Variants in RBM28 observed in about 807,000 individuals in gnomAD.
RBM28 encodes the protein RNA binding motif protein 28.
RBM28 carries 78 observed loss-of-function variants against 98.3 expected under a neutral mutation model. The ratio of observed to expected loss-of-function variants is 0.79; its 90% confidence interval spans 0.66 to 0.96. The LOEUF (loss-of-function observed/expected upper bound fraction) is 0.96, where lower values mean the gene tolerates loss of function less well. Among genes scored for constraint, RBM28 ranks in the 40% least tolerant of loss-of-function variants. The pLI, the probability that RBM28 is intolerant of heterozygous loss-of-function variation, is 0.00. For synonymous variants in RBM28, 306 were observed against 330.9 expected (o/e 0.92, Z 0.82); for missense variants, 838 against 913.0 (o/e 0.92, Z 1.06).
chr7:128,339,905 C>T (rs41281734), intron 1 of RBM28, 114 bp from the exon 2 acceptor site: 17,638 of 1,235,152 alleles, frequency 0.014, 420 homozygotes, highest in African/African-American at 0.096. Context: ...GGATATACTG[C>T]CAACCCATCT....
intron 9 of RBM28, 145 bp downstream of exon 9, chr7:128,333,145 C>T (rs1796520123): frequency 1.4e-6 from 1 of 706,100 alleles, no homozygotes; most frequent in Non-Finnish European, 2.6e-6. Flanking sequence ...TCCTACATTT[C>T]TCATTGTTTA....
chr7:128,342,123 C>T (rs1030494389), intron 1 of RBM28, among the ~76,000 whole-genome samples: 7 of 152,184 alleles, frequency 4.6e-5, no homozygotes, highest in Non-Finnish European at 1.0e-4. Flanking sequence ...CGCACCACTG[C>T]ACTCCAACTG....
At position 128,337,220 on chromosome 7, in the gene RBM28, G is replaced by A; in HGVS notation, c.542-18C>T. ...TGTCCGGCCTGTCAAGCAGAAAAGT[G>A]GCATCAGAAAGGCTCTCCTTTTAAA... On this transcript the variant is annotated intron_variant, in intron 5 of 18. Coordinates refer to ENST00000223073, the MANE Select transcript of RBM28 (RefSeq NM_018077.3). 3 of 1,613,916 alleles carry A rather than the reference G, an allele frequency of 1.9e-6. No homozygotes were observed. Among genetic ancestry groups the A allele is most frequent in the African/African-American group, 2.7e-5 (2 of 74,998 alleles).
At chr7:128,311,269 C>T (rs1795978400) in intron 18 of RBM28, among the ~76,000 whole-genome samples, 1 of 152,230 alleles carries the variant, frequency 6.6e-6, no homozygotes, top group East Asian at 1.9e-4. Context: ...CTTGCCTGTT[C>T]CCTCCCCAAG....
Position 128,335,910 on chromosome 7 carries a change from T to C in RBM28, c.746A>G (p.Asp249Gly), listed in dbSNP as rs145277422. The C allele has an allele frequency of 4.7e-4, 759 of 1,612,646 alleles. 4 individuals carry two copies. The highest frequency in any genetic ancestry group is 2.9e-4 in the South Asian group (26 of 91,044). Residue 249 changes from aspartate to glycine, a missense_variant, in exon 7 of 19, where the codon GAT becomes GGT. Transcript: ENST00000223073. ...DDDEEDGVFDDEDEEEENIES... is the reference protein window; with the variant it reads ...DDDEEDGVFDGEDEEEENIES... ...TATATTCTCTTCCTCTTCATCTTCA[T>C]CATCAAAAACCCCATCTTCTTCATC...
chr7:128,311,636 C>T (rs1366605543), intron 18 of RBM28, among the ~76,000 whole-genome samples: 1 of 151,994 alleles, frequency 6.6e-6, no homozygotes, highest in Non-Finnish European at 1.5e-5. Flanking sequence ...GCCAGCCTTA[C>T]ACAGAGTAAG....
In RBM28 at chr7:128,324,611, C is replaced by G. The variant is rs775217521; in HGVS notation, c.1287G>C (p.Thr429=). The G allele has an allele frequency of 1.1e-5, 18 of 1,614,206 alleles. No individual in the cohort carries two copies. Among genetic ancestry groups the G allele is most frequent in the East Asian group, 2.2e-5 (1 of 44,882 alleles). The change falls in exon 12 of 19, where the codon ACG becomes ACC. Residue 429 remains threonine, a synonymous_variant. Coordinates refer to ENST00000223073, the MANE Select transcript of RBM28 (RefSeq NM_018077.3). ...GGGTGCCAGTCGGCTTCTTCACCTT[C>G]GTCGTCTGAAGCTTTGCAGCCTCAT... is the stretch of plus-strand genomic sequence containing the variant. ...TRDEAAKLQT[T]KVKKPTGTRN...
intron 18 of RBM28, among the ~76,000 whole-genome samples, chr7:128,311,997 GA>G (rs1424915063): frequency 6.6e-6 from 1 of 152,182 alleles, no homozygotes; most frequent in African/African-American, 2.4e-5. Context: ...TCAATGGAGG[GA>G]TAAGGCAGAT....
rs779918964 is a variant in RBM28 at position 128,339,692 on chromosome 7, A to G, written c.218T>C (p.Ile73Thr). The change falls in exon 2 of 19, where the codon ATC becomes ACC. Residue 73 changes from isoleucine to threonine, a missense_variant. Coordinates refer to ENST00000223073, the MANE Select transcript of RBM28 (RefSeq NM_018077.3). ...KEITTFEGCK[I>T]NVTVAKKKLR... ...TTTTTTCTTGGCAACAGTCACGTTG[A>G]TCTTGCAACCTTCAAAGGTGGTAAT... 1.9e-6 allele frequency: 3 copies of G among 1,613,936 alleles called. No homozygotes were observed. The highest frequency in any genetic ancestry group is 2.5e-6 in the Non-Finnish European group (3 of 1,179,954).
At chr7:128,317,577 T>C in intron 16 of RBM28, 82 bp downstream of exon 16, 4 of 1,094,086 alleles carry the variant, frequency 3.7e-6, no homozygotes, top group Non-Finnish European at 5.6e-6. Context: ...AGGGGAGAAC[T>C]ACTCTAAGAG....
In RBM28 at chr7:128,307,228, A is replaced by G. The variant is rs1795884113; in HGVS notation, c.*3569T>C. ...TTGCATGGGCAGAGCTGCTTCTTAT[A>G]TGACAGAATTGGCAGCTGCCTGTCA... is the stretch of plus-strand genomic sequence containing the variant. On this transcript the variant is annotated 3_prime_UTR_variant, in exon 19 of 19. Transcript: ENST00000223073. 1 of 152,256 alleles carries G rather than the reference A, an allele frequency of 6.6e-6. No individual in the cohort carries two copies. The highest frequency in any genetic ancestry group is 6.5e-5 in the Admixed American group (1 of 15,284). 9.4% of individuals were successfully genotyped at this position (152,256 alleles called of 1,614,324 possible).
At chr7:128,314,223 A>G (rs2116323841) in intron 17 of RBM28, among the ~76,000 whole-genome samples, 1 of 152,250 alleles carries the variant, frequency 6.6e-6, no homozygotes, top group South Asian at 2.1e-4. Flanking sequence ...CGGCCTCCCA[A>G]AGTGCTGGGA....
intron 1 of RBM28, chr7:128,341,322 C>A: frequency 4.1e-6 from 2 of 489,552 alleles, no homozygotes; most frequent in South Asian, 1.8e-5. Flanking sequence ...AAATTCATAG[C>A]CCTTCATGAT....
At chr7:128,330,685 T>C (rs1448404782) in intron 10 of RBM28, 134 bp downstream of exon 10, 3 of 748,824 alleles carry the variant, frequency 4.0e-6, no homozygotes, top group African/African-American at 3.4e-5. Context: ...CTGGTACTTT[T>C]ATAGAACCCA....
intron 11 of RBM28, 137 bp from the exon 12 acceptor site, chr7:128,324,831 T>C (rs1338460646): frequency 1.7e-6 from 2 of 1,162,252 alleles, no homozygotes; most frequent in South Asian, 1.2e-5. Flanking sequence ...CTGGCCAACA[T>C]GGTGAAACCT....
In RBM28 at chr7:128,305,280, TC is replaced by T. The variant is rs1795844343; in HGVS notation, c.*5516del. 6.6e-6 allele frequency: 1 copy of T among 152,170 alleles called. No homozygotes were observed. Among genetic ancestry groups the T allele is most frequent in the South Asian group, 2.1e-4 (1 of 4,830 alleles). The allele number at this position is 152,170 out of a possible 1,614,324, so 9.4% of individuals were successfully genotyped here. On this transcript the variant is annotated 3_prime_UTR_variant, in exon 19 of 19. Coordinates refer to ENST00000223073, the MANE Select transcript of RBM28 (RefSeq NM_018077.3). Reference sequence around the variant, plus strand: ...GTTGCCAGGTTCTACGACAGGGTCTTCCCCACCATGGACCAGAATACAAGAT... The same window carrying T: ...GTTGCCAGGTTCTACGACAGGGTCTTCCCACCATGGACCAGAATACAAGAT...
intron 17 of RBM28, among the ~76,000 whole-genome samples, chr7:128,313,923 T>C (rs1796045852): frequency 6.6e-6 from 1 of 152,124 alleles, no homozygotes. Context: ...TCATGCTTCC[T>C]GTACAGCCTG....
rs113178095 is a variant in RBM28 at position 128,335,938 on chromosome 7, C to A, written c.718G>T (p.Asp240Tyr). The change falls in exon 7 of 19, where the codon GAT becomes TAT. Residue 240 changes from aspartate to tyrosine, a missense_variant. Physicochemically the swap from Asp to Tyr is radical, Grantham distance 160 (BLOSUM62 -3). Coordinates refer to ENST00000223073, the MANE Select transcript of RBM28 (RefSeq NM_018077.3). ...TCAAAAACCCCATCTTCTTCATCAT[C>A]ATCATCGTCATCATCATCGTTTTCT... ...EEENDDDDDD[D>Y]DEEDGVFDDE... 4 of 1,604,678 alleles carry A rather than the reference C, an allele frequency of 2.5e-6. No individual in the cohort carries two copies. Among genetic ancestry groups the A allele is most frequent in the Non-Finnish European group, 2.6e-6 (3 of 1,171,714 alleles).
chr7:128,318,751 G>C (rs890205668), intron 14 of RBM28, among the ~76,000 whole-genome samples: 1 of 152,120 alleles, frequency 6.6e-6, no homozygotes, highest in Non-Finnish European at 1.5e-5. Context: ...AACTGTTTGC[G>C]ATACATACAA....
Sources: gnomAD v4.1 joint callset for allele counts (sites outside exome capture counted in the v4.1 genomes callset) on GRCh38, gnomAD v4.1.1 for gene constraint, MANE v1.5 for transcripts, NCBI Gene and HGNC (gene_info 2026-07-23, HGNC 2026-07-21) for gene names.